Variants in TNN observed in about 807,000 individuals in gnomAD.
TNN encodes the protein tenascin-N.
In TNN, 122 loss-of-function variants were observed where a neutral mutation model predicts 134.4. The ratio of observed to expected loss-of-function variants is 0.91; its 90% confidence interval spans 0.78 to 1.06. The LOEUF is 1.06. Ranked by LOEUF, TNN falls within the 50% of genes least tolerant of loss-of-function variation. The probability of loss-of-function intolerance (pLI) is 0.00; values close to 1 mark genes in which losing one functional copy is unlikely to be tolerated. For missense variants in TNN, 1,739 were observed against 1,699.4 expected (o/e 1.02, Z -0.41); for synonymous variants, 710 against 670.3 (o/e 1.06, Z -0.91).
intron 6 of TNN, among the ~76,000 whole-genome samples, chr1:175,090,373 A>G (rs1042656015): frequency 1.3e-5 from 2 of 152,242 alleles, no homozygotes; most frequent in Non-Finnish European, 2.9e-5. Flanking sequence ...AAACAAGAGT[A>G]CAGAACGTGT....
At chr1:175,085,898 A>G (rs1674317458) in intron 6 of TNN, among the ~76,000 whole-genome samples, 1 of 146,506 alleles carries the variant, frequency 6.8e-6, no homozygotes, top group African/African-American at 2.6e-5. Flanking sequence ...AAAAAAAGAG[A>G]ATTCTGGGAT....
At chr1:175,099,296 G>T (rs138041294) in intron 9 of TNN, among the ~76,000 whole-genome samples, 1 of 152,140 alleles carries the variant, frequency 6.6e-6, no homozygotes, top group African/African-American at 2.4e-5. Flanking sequence ...TATCTTTGGC[G>T]TTGCTGGGAG....
chr1:175,077,470 G>C lies in TNN; in HGVS notation c.52G>C (p.Val18Leu), dbSNP rs1192911796. ...CCCTATGGGGCTCCTGCTTGGCTCT[G>C]TGCTCCTGGTGGCTTCGGCCCCAGC... ...RFPMGLLLGS[V>L]LLVASAPATL... The change falls in exon 2 of 19, where the codon GTG (valine) becomes CTG (leucine). Residue 18 changes from valine (V) to leucine (L), a missense_variant. Transcript: ENST00000239462. 2 of 1,613,914 alleles carry C rather than the reference G, an allele frequency of 1.2e-6. No individual in the cohort carries two copies. The highest frequency in any genetic ancestry group is 4.5e-5 in the East Asian group (2 of 44,874).
intron 9 of TNN, among the ~76,000 whole-genome samples, chr1:175,113,166 T>A (rs1675080744): frequency 1.3e-5 from 2 of 152,214 alleles, no homozygotes; most frequent in Non-Finnish European, 1.5e-5. Context: ...CTTTTCTATG[T>A]TCTCATGATT....
chr1:175,101,137 G>A lies in TNN; in HGVS notation c.2119+2542G>A, dbSNP rs1466730740. ...TTCAAGAATGAAGCTGCGGACCCTC[G>A]CGGTGAGTGTTACAGCTCTTAAGGT... is the stretch of plus-strand genomic sequence containing the variant. On this transcript the variant is annotated intron_variant, in intron 9 of 18. Coordinates refer to ENST00000239462, the MANE Select transcript of TNN (RefSeq NM_022093.2). Among the ~76,000 whole-genome samples, 3 of 152,176 alleles carry A rather than the reference G, an allele frequency of 2.0e-5. No individual in the cohort carries two copies. In the East Asian group the frequency reaches 5.8e-4, roughly 29 times the overall value.
intron 11 of TNN, among the ~76,000 whole-genome samples, chr1:175,122,464 A>G (rs554618239): frequency 2.3e-4 from 6 of 25,880 alleles, no homozygotes; most frequent in African/African-American, 8.2e-4. Flanking sequence ...GTTGCTAACA[A>G]AGGACTGAAG....
chr1:175,090,096 A>G (rs1057086231), intron 6 of TNN, among the ~76,000 whole-genome samples: 9 of 152,244 alleles, frequency 5.9e-5, no homozygotes, highest in African/African-American at 2.2e-4. Context: ...TGGTCCTTAT[A>G]ATATCAATAG....
intron 1 of TNN, among the ~76,000 whole-genome samples, chr1:175,075,907 C>T (rs1404215049): frequency 6.6e-6 from 1 of 152,160 alleles, no homozygotes; most frequent in Non-Finnish European, 1.5e-5. Context: ...AAAACACAGA[C>T]CACAGGAGAG....
intron 3 of TNN, 23 bp from the exon 4 acceptor site, chr1:175,080,139 GC>G (rs772442491): frequency 6.2e-7 from 1 of 1,611,914 alleles, no homozygotes; most frequent in African/African-American, 1.3e-5. Flanking sequence ...CACCCTCTCT[GC>G]CCTGTTCCTG....
intron 1 of TNN, 45 bp from the exon 2 acceptor site, chr1:175,077,339 T>A (rs1674063293): frequency 1.2e-5 from 18 of 1,456,002 alleles, no homozygotes; most frequent in Non-Finnish European, 1.2e-5. Flanking sequence ...CCAGCTTCCC[T>A]CAGCACATCT....
chr1:175,136,964 G>T lies in TNN; in HGVS notation c.3571G>T (p.Val1191Phe). 1 of 1,614,110 alleles carries T rather than the reference G, an allele frequency of 6.2e-7. No homozygotes were observed. The highest frequency in any genetic ancestry group is 8.5e-7 in the Non-Finnish European group (1 of 1,179,986). Residue 1191 changes from valine to phenylalanine, a missense_variant, in exon 17 of 19, where the codon GTT (valine) becomes TTT (phenylalanine). By Grantham distance (50) the Val-to-Phe change is conservative. Transcript: ENST00000239462. Reference sequence around the variant, plus strand: ...CAGCAAGGAGCGGTATAAGCTGACAGTTGGGAAATACAGAGGCACGGCAGG... The same window carrying T: ...CAGCAAGGAGCGGTATAAGCTGACATTTGGGAAATACAGAGGCACGGCAGG... ...ASSKERYKLT[V>F]GKYRGTAGDA...
intron 4 of TNN, 87 bp from the exon 5 acceptor site, chr1:175,083,663 G>T: frequency 7.8e-7 from 1 of 1,282,136 alleles, no homozygotes; most frequent in Non-Finnish European, 1.1e-6. Flanking sequence ...AAGAAAGGGA[G>T]CTGACCTGAT....
chr1:175,126,595 G>A (rs1013613193), intron 12 of TNN, among the ~76,000 whole-genome samples: 1 of 152,086 alleles, frequency 6.6e-6, no homozygotes, highest in Non-Finnish European at 1.5e-5. Context: ...TTTCAGATCT[G>A]TGGCCCTCTT....
At chr1:175,117,563 A>G (rs1361300826) in intron 10 of TNN, among the ~76,000 whole-genome samples, 1 of 152,224 alleles carries the variant, frequency 6.6e-6, no homozygotes, top group Non-Finnish European at 1.5e-5. Flanking sequence ...TGAAAATTTG[A>G]CTTTAAGAAC....
At chr1:175,103,081 C>T (rs1204663927) in intron 9 of TNN, among the ~76,000 whole-genome samples, 1 of 145,670 alleles carries the variant, frequency 6.9e-6, no homozygotes, top group African/African-American at 2.5e-5. Flanking sequence ...TTTGTAAGAC[C>T]ATCTGTAGCT....
chr1:175,090,843 T>C (rs917641827), intron 6 of TNN, among the ~76,000 whole-genome samples: 1 of 152,294 alleles, frequency 6.6e-6, no homozygotes, highest in African/African-American at 2.4e-5. Context: ...AACCTTACTT[T>C]ACATCTCATT....
chr1:175,145,970 A>G (rs1676059286), intron 18 of TNN, among the ~76,000 whole-genome samples: 1 of 152,198 alleles, frequency 6.6e-6, no homozygotes, highest in African/African-American at 2.4e-5. Flanking sequence ...CTAAGCCTCC[A>G]GGAAGCCACC....
Position 175,144,518 on chromosome 1 carries a change from A to C in TNN, c.3727A>C (p.Asn1243His), listed in dbSNP as rs780953188. 3 of 1,614,090 alleles carry C rather than the reference A, an allele frequency of 1.9e-6. No individual in the cohort carries two copies. The highest frequency in any genetic ancestry group is 2.5e-6 in the Non-Finnish European group (3 of 1,180,036). Reference sequence around the variant, plus strand: ...TAAGAACTGCCACTTGGCCAACCCTAATGGCAGATATGGGGAGACCAAGCA... The same window carrying C: ...TAAGAACTGCCACTTGGCCAACCCTCATGGCAGATATGGGGAGACCAAGCA... Reference protein sequence around the residue: ...WYKNCHLANPNGRYGETKHSE... With the variant: ...WYKNCHLANPHGRYGETKHSE... Residue 1243 changes from asparagine (N) to histidine (H), a missense_variant, in exon 18 of 19, where the codon AAT (asparagine) becomes CAT (histidine). By Grantham distance (68) the Asn-to-His change is moderately conservative. Transcript: ENST00000239462.
intron 17 of TNN, among the ~76,000 whole-genome samples, chr1:175,138,129 C>A (rs1675862750): frequency 6.6e-6 from 1 of 152,162 alleles, no homozygotes; most frequent in South Asian, 2.1e-4. Flanking sequence ...TTCTCAAGAT[C>A]ATGTACTCAA....
Sources: allele counts gnomAD v4.1 joint callset (sites outside exome capture counted in the v4.1 genomes callset), GRCh38; gene constraint gnomAD v4.1.1; transcripts MANE v1.5; gene names NCBI Gene and HGNC (gene_info 2026-07-23, HGNC 2026-07-21).